MAP4K1: variants seen among roughly 807,000 people sequenced by gnomAD.
The protein encoded by MAP4K1 is mitogen-activated protein kinase kinase kinase kinase 1.
A neutral mutation model predicts 122.8 loss-of-function variants in MAP4K1; 35 were observed. The ratio of observed to expected loss-of-function variants is 0.29; its 90% CI spans 0.22 to 0.38. The LOEUF is 0.38. Among genes scored for constraint, MAP4K1 ranks in the 10% least tolerant of loss-of-function variants. MAP4K1 has a pLI of 1.00. For synonymous variants in MAP4K1, 412 were observed against 421.3 expected (o/e 0.98, Z 0.27); for missense variants, 791 against 1,072.6 (o/e 0.74, Z 3.67).
chr19:38,604,422 T>G (rs1193295373), intron 19 of MAP4K1, among the ~76,000 whole-genome samples: 3 of 152,102 alleles, frequency 2.0e-5, no homozygotes, highest in Non-Finnish European at 4.4e-5. Context: ...ACTTCTGGAC[T>G]CAAGCAATCC....
rs920729189 is a variant in MAP4K1, at chr19:38,601,347, G to A, written c.1531+94C>T. The A allele has an allele frequency of 3.8e-5, 44 of 1,149,440 alleles. 1 individual carries two copies. The highest frequency in any genetic ancestry group is 1.9e-4 in the African/African-American group (12 of 64,656). The allele number at this position is 1,149,440 out of a possible 1,614,324, so 71.2% of individuals were successfully genotyped here. On this transcript the variant is annotated intron_variant, in intron 20 of 30. Transcript: ENST00000396857. ...CCCCAACTCCATTAAGCTCCTCCCC[G>A]TCCCTGCCTTTGTGCCTTCCTTAGG...
In MAP4K1 at chr19:38,608,108, T is replaced by A. The variant is rs2144731566; in HGVS notation, c.1065+4A>T. ...TGGTGGGGAGTGGGGGGACAGCATC[T>A]CACGGTGTTGGCTGGGGGTCTGGTC... On this transcript the variant is annotated splice_donor_region_variant and intron_variant, in intron 14 of 30. Coordinates refer to ENST00000396857, the MANE Select transcript of MAP4K1 (RefSeq NM_001042600.3). 1 of 1,543,330 alleles carries A rather than the reference T, an allele frequency of 6.5e-7. No individual in the cohort carries two copies. The highest frequency in any genetic ancestry group is 2.3e-5 in the East Asian group (1 of 44,296).
chr19:38,593,412 A>G (rs1160149644), intron 29 of MAP4K1, 75 bp from the exon 30 acceptor site: 1 of 1,384,188 alleles, frequency 7.2e-7, no homozygotes, highest in Non-Finnish European at 1.0e-6. Context: ...TCCCTTAAAG[A>G]CAGCAAGGAG....
intron 20 of MAP4K1, 81 bp downstream of exon 20, chr19:38,601,360 T>G: frequency 3.8e-6 from 5 of 1,302,820 alleles, no homozygotes; most frequent in South Asian, 1.3e-5. Context: ...CCTGCCTTTG[T>G]GCCTTCCTTA....
In MAP4K1 at chr19:38,596,333, A is replaced by G. The variant is rs1423834719; in HGVS notation, c.2095T>C (p.Trp699Arg). Residue 699 changes from tryptophan to arginine, a missense_variant, in exon 26 of 31, where the codon TGG (tryptophan) becomes CGG (arginine). Trp to Arg is a moderately radical substitution (Grantham distance 101). Transcript: ENST00000396857. The stretch of plus-strand genomic sequence containing the variant: ...TCACCGGTGCTCATCTCGCCCAGCC[A>G]GCAAGAGAGCGCGCCAAAGCGCACC... ...HTVRFGALSC[W>R]LGEMSTEHRG... 1.3e-6 allele frequency: 2 copies of G among 1,595,916 alleles called. No individual in the cohort carries two copies. The highest frequency in any genetic ancestry group is 2.7e-5 in the African/African-American group (2 of 74,614).
intron 19 of MAP4K1, among the ~76,000 whole-genome samples, chr19:38,604,823 A>G (rs1975276413): frequency 6.6e-6 from 1 of 150,656 alleles, no homozygotes; most frequent in Admixed American, 6.6e-5. Flanking sequence ...GCGGTGGCTC[A>G]TGCCTGTAAT....
Position 38,617,890 on chromosome 19 carries a change from G to A in MAP4K1, c.6C>T (p.Asp2=). ...TATTGAAAATGTCAGGGTCCACGAC[G>A]TCCATCCCTGGGGGCCTGAGCTGGG... M[D]VVDPDIFNRD... is the part of the protein sequence containing the mutation. The change falls in exon 1 of 31, where the codon GAC becomes GAT. Residue 2 remains aspartate (D), a synonymous_variant. Coordinates refer to ENST00000396857, the MANE Select transcript of MAP4K1 (RefSeq NM_001042600.3). This position sits in a 1 kb window ranked among gnomAD's most constrained non-coding sequence, Gnocchi z 4.1. 8 of 1,614,040 alleles carry A rather than the reference G, an allele frequency of 5.0e-6. No homozygotes were observed. The highest frequency in any genetic ancestry group is 5.9e-6 in the Non-Finnish European group (7 of 1,179,946).
chr19:38,600,064 T>C lies in MAP4K1; in HGVS notation c.1608+13A>G, dbSNP rs969527511. 1.9e-6 allele frequency: 3 copies of C among 1,614,126 alleles called. No individual in the cohort carries two copies. Among genetic ancestry groups the C allele is most frequent in the Admixed American group, 3.3e-5 (2 of 59,996 alleles). On this transcript the variant is annotated intron_variant, in intron 21 of 30. Transcript: ENST00000396857. ...GGCCCTTGCCCTTGCCCTGGCCCGGTATGGTTCCTCACCATTTCCAGCGTG... is the reference window on the plus strand; with the variant it reads ...GGCCCTTGCCCTTGCCCTGGCCCGGCATGGTTCCTCACCATTTCCAGCGTG...
Position 38,590,394 on chromosome 19 carries a change from AATATATATATATAT to A in MAP4K1, c.2397-2591_2397-2578del, listed in dbSNP as rs1163055879. On this transcript the variant is annotated intron_variant, in intron 30 of 30. Transcript: ENST00000396857. ...ACCAGAAAAAAAAAAAAAAAAAAAAAATATATATATATATATATATATATATATATATATATATA... is the reference window on the plus strand; with the variant it reads ...ACCAGAAAAAAAAAAAAAAAAAAAAAATATATATATATATATATATATATA... Among the ~76,000 whole-genome samples, 148 of 17,226 alleles carry A rather than the reference AATATATATATATAT, an allele frequency of 8.6e-3. 5 individuals carry two copies. The highest frequency in any genetic ancestry group is 0.02 in the African/African-American group (96 of 4,856). The allele number at this position is 17,226 out of a possible 152,430, so 11.3% of individuals were successfully genotyped here.
intron 30 of MAP4K1, among the ~76,000 whole-genome samples, chr19:38,591,667 T>C (rs763830110): frequency 6.6e-5 from 10 of 151,302 alleles, no homozygotes; most frequent in Non-Finnish European, 1.5e-4. Flanking sequence ...AAGATAAAAA[T>C]CTAAAATAAA....
Position 38,605,587 on chromosome 19 carries a change from G to A in MAP4K1, c.1344C>T (p.Pro448=). The A allele has an allele frequency of 6.5e-7, 1 of 1,549,512 alleles. No individual in the cohort carries two copies. Among genetic ancestry groups the A allele is most frequent in the South Asian group, 1.2e-5 (1 of 84,756 alleles). Residue 448 remains proline (P), a synonymous_variant, in exon 18 of 31, where the codon CCC becomes CCT. Coordinates refer to ENST00000396857, the MANE Select transcript of MAP4K1 (RefSeq NM_001042600.3). ...RPGPPPSTSS[P]HLTAHSEPSL... ...CATTACCTGAATGGGCGGTGAGGTG[G>A]GGGCTGCTGGTGGATGGGGGAGGCC...
intron 30 of MAP4K1, among the ~76,000 whole-genome samples, chr19:38,592,915 C>CTTAATAAA (rs553588599): frequency 1.6e-4 from 23 of 146,860 alleles, no homozygotes; most frequent in Admixed American, 1.1e-3. Context: ...AAAACTCCAT[C>CTTAATAAA]TCAATAAATA....
chr19:38,612,204 G>A (rs748631861), intron 9 of MAP4K1, among the ~76,000 whole-genome samples: 36 of 152,108 alleles, frequency 2.4e-4, no homozygotes, highest in Admixed American at 7.2e-4. Flanking sequence ...CAGATAACCT[G>A]AGGTCAGGAG....
At chr19:38,604,128 C>CAAAAAAAAAAAAAAA (rs200072842) in intron 19 of MAP4K1, among the ~76,000 whole-genome samples, 1 of 53,518 alleles carries the variant, frequency 1.9e-5, no homozygotes, top group Non-Finnish European at 4.7e-5. Context: ...GATACTATCT[C>CAAAAAAAAAAAAAAA]AAAAAAAAAA....
chr19:38,610,742 C>T (rs899578955), intron 11 of MAP4K1, among the ~76,000 whole-genome samples: 8 of 151,996 alleles, frequency 5.3e-5, no homozygotes, highest in Admixed American at 2.0e-4. Flanking sequence ...TTTCTCAGAG[C>T]GGGGCTAGGA....
At chr19:38,594,617 G>T (rs1002546028) in intron 29 of MAP4K1, among the ~76,000 whole-genome samples, 9 of 151,904 alleles carry the variant, frequency 5.9e-5, no homozygotes, top group African/African-American at 1.9e-4. Context: ...TCTGCCCTGG[G>T]TGACAGAGCG....
In MAP4K1 at chr19:38,617,755, G is replaced by T. The variant is rs201515656; in HGVS notation, c.99+42C>A. On this transcript the variant is annotated intron_variant, in intron 1 of 30. Coordinates refer to ENST00000396857, the MANE Select transcript of MAP4K1 (RefSeq NM_001042600.3). The surrounding 1 kb of genome is among the most constrained non-coding windows in gnomAD (Gnocchi z 4.1). ...TCCCTGCCGAGGGCTTGCCTTAAAG[G>T]TCACTGGTTGTAGGGTGTTGGGGAC... is the stretch of plus-strand genomic sequence containing the variant. 1.6e-3 allele frequency: 2,519 copies of T among 1,610,678 alleles called. 3 individuals carry two copies. The highest frequency in any genetic ancestry group is 6.1e-3 in the Middle Eastern group (37 of 6,062).
chr19:38,602,922 A>G (rs758270203), intron 19 of MAP4K1, among the ~76,000 whole-genome samples: 5 of 148,846 alleles, frequency 3.4e-5, no homozygotes, highest in South Asian at 2.1e-4. Flanking sequence ...GTACACATAT[A>G]CGCATATACA....
Position 38,599,813 on chromosome 19 carries a change from T to C in MAP4K1, c.1669+112A>G, listed in dbSNP as rs569038592. The C allele has an allele frequency of 3.0e-6, 3 of 987,852 alleles. No homozygotes were observed. The South Asian group carries it at 4.1e-5, about 13-fold the overall frequency. The allele number at this position is 987,852 out of a possible 1,614,324, so 61.2% of individuals were successfully genotyped here. ...TGTCTGGGATTTGAACCTAGGACTTTGTGACCAAGCAGTCTAAGTTTTTTT... is the reference window on the plus strand; with the variant it reads ...TGTCTGGGATTTGAACCTAGGACTTCGTGACCAAGCAGTCTAAGTTTTTTT... On this transcript the variant is annotated intron_variant, in intron 22 of 30. Coordinates refer to ENST00000396857, the MANE Select transcript of MAP4K1 (RefSeq NM_001042600.3).
Sources: gnomAD v4.1 joint callset for allele counts (sites outside exome capture counted in the v4.1 genomes callset) on GRCh38, gnomAD v4.1.1 for gene constraint, Gnocchi (gnomAD v3.1) non-coding constraint, MANE v1.5 for transcripts, NCBI Gene and HGNC (gene_info 2026-07-23, HGNC 2026-07-21) for gene names.